The following TTC16 variants were observed in gnomAD, a reference collection of about 807,000 sequenced individuals.
TTC16 encodes the protein tetratricopeptide repeat protein 16.
In TTC16, 66 loss-of-function variants were observed where a neutral mutation model predicts 80.4. The ratio of observed to expected loss-of-function variants is 0.82; its 90% CI spans 0.67 to 1.01. The LOEUF (loss-of-function observed/expected upper bound fraction) is 1.01. TTC16 is among the 50% of genes least tolerant of loss of function. The pLI, the probability that TTC16 is intolerant of heterozygous loss-of-function variation, is 0.00. For synonymous variants in TTC16, 438 were observed against 451.3 expected (o/e 0.97, Z 0.37); for missense variants, 1,070 against 1,103.2 (o/e 0.97, Z 0.43).
chr9:127,716,360 G>A (rs1843010316), intron 1 of TTC16, 197 bp downstream of exon 1: 14 of 775,704 alleles, frequency 1.8e-5, no homozygotes, highest in Non-Finnish European at 2.9e-5. Flanking sequence ...AGAGGTCTCT[G>A]GCTTGGGTAG....
At chr9:127,717,204 T>C in intron 2 of TTC16, 130 bp from the exon 3 acceptor site, 1 of 1,176,068 alleles carries the variant, frequency 8.5e-7, no homozygotes, top group Non-Finnish European at 1.2e-6. Flanking sequence ...CTGCCCTCCC[T>C]GGGCTTCTGT....
In TTC16 at chr9:127,729,593, G is replaced by C. The variant is rs1201589150; in HGVS notation, c.1777G>C (p.Glu593Gln). 2 of 1,613,834 alleles carry C rather than the reference G, an allele frequency of 1.2e-6. No homozygotes were observed. Among genetic ancestry groups the C allele is most frequent in the Admixed American group, 3.3e-5 (2 of 60,022 alleles). The change falls in exon 13 of 14, where the codon GAG becomes CAG. Residue 593 changes from glutamate (E) to glutamine (Q), a missense_variant. Glu to Gln is a conservative substitution (Grantham distance 29, BLOSUM62 2). Coordinates refer to ENST00000373289, the MANE Select transcript of TTC16 (RefSeq NM_144965.3). ...TTTCTTGCCATAGGAGAAAAAATCA[G>C]AGCTCATACCTAGCAAGGTGGCGTC... is the stretch of plus-strand genomic sequence containing the variant. ...EKEKKEEKKS[E>Q]LIPSKVASLS...
chr9:127,727,493 A>C, intron 12 of TTC16, 28 bp downstream of exon 12: 1 of 1,550,310 alleles, frequency 6.5e-7, no homozygotes, highest in Non-Finnish European at 8.7e-7. Flanking sequence ...CAGGGCTCGG[A>C]GCCCTTGGGG....
rs776650963 is a variant in TTC16 at position 127,723,993 on chromosome 9, G to A, written c.873-127G>A. 4.4e-5 allele frequency: 57 copies of A among 1,297,644 alleles called. No individual in the cohort carries two copies. The Middle Eastern group carries it at 8.3e-4, about 19-fold the overall frequency. The allele number at this position is 1,297,644 out of a possible 1,614,324, so 80.4% of individuals were successfully genotyped here. A position where few individuals can be genotyped will look rare whatever the true frequency, so the allele number is the denominator to read the frequency against. ...CGGGACAAACCTAGCAAATGAGGTG[G>A]GATCCCCACTGCCTCCATGGGTCAG... is the stretch of plus-strand genomic sequence containing the variant. On this transcript the variant is annotated intron_variant, in intron 7 of 13. Transcript: ENST00000373289.
intron 12 of TTC16, 139 bp downstream of exon 12, chr9:127,727,604 G>A (rs973458581): frequency 1.4e-6 from 2 of 1,416,314 alleles, no homozygotes; most frequent in African/African-American, 2.9e-5. Flanking sequence ...GTGATGGGCT[G>A]GGGACATCTT....
intron 6 of TTC16, 25 bp downstream of exon 6, chr9:127,720,420 G>T: frequency 8.8e-7 from 1 of 1,141,786 alleles, no homozygotes. Context: ...GCGGGCAGGG[G>T]CATGCCCCCC....
Position 127,723,295 on chromosome 9 carries a change from CG to C in TTC16, c.835del (p.Glu279ArgfsTer31), listed in dbSNP as rs748271928. On this transcript the variant is annotated frameshift_variant, in exon 7 of 14. Coordinates refer to ENST00000373289, the MANE Select transcript of TTC16 (RefSeq NM_144965.3). LOFTEE classifies it high-confidence loss of function. ...HALQRINRAI[E>X]NNPLDPSLFL... ...CACTGCAGCGGATCAACCGTGCCAT[CG>C]AGAACAACCCTCTGGACCCCAGTCT... 9.3e-6 allele frequency: 15 copies of C among 1,612,844 alleles called. No individual in the cohort carries two copies. The East Asian group carries it at 3.3e-4, about 36-fold the overall frequency.
At chr9:127,730,256 G>C (rs557492604) in intron 13 of TTC16, 2 of 304,004 alleles carry the variant, frequency 6.6e-6, no homozygotes, top group Non-Finnish European at 6.2e-6. Context: ...GACACAGTGC[G>C]GGGGAAGCCG....
chr9:127,724,145 G>T lies in TTC16; in HGVS notation c.898G>T (p.Glu300Ter), dbSNP rs375472251. ...GGGCACCATGTACCGACGGCTCCAG[G>T]AGTTCGATGGGGCAGTGGAGGACTT... ...FRGTMYRRLQ[E>*]FDGAVEDFLK... Residue 300 changes from glutamate (E) to a stop codon, truncating the protein, a stop_gained, in exon 8 of 14, where the codon GAG becomes TAG. Coordinates refer to ENST00000373289, the MANE Select transcript of TTC16 (RefSeq NM_144965.3). LOFTEE classifies it high-confidence loss of function. 15 of 1,612,726 alleles carry T rather than the reference G, an allele frequency of 9.3e-6. No individual in the cohort carries two copies. In the African/African-American group the frequency reaches 1.5e-4, roughly 16 times the overall value.
Position 127,729,623 on chromosome 9 carries a change from T to C in TTC16, c.1807T>C (p.Ser603Pro). 6.2e-7 allele frequency: 1 copy of C among 1,613,836 alleles called. No homozygotes were observed. The highest frequency in any genetic ancestry group is 8.5e-7 in the Non-Finnish European group (1 of 1,180,022). Reference sequence around the variant, plus strand: ...CATACCTAGCAAGGTGGCGTCCCTGTCTGACAGCTACCTTGACCAGACCTC... The same window carrying C: ...CATACCTAGCAAGGTGGCGTCCCTGCCTGACAGCTACCTTGACCAGACCTC... The part of the protein sequence containing the change: ...ELIPSKVASL[S>P]DSYLDQTSSA... Residue 603 changes from serine to proline, a missense_variant, in exon 13 of 14, where the codon TCT (serine) becomes CCT (proline). Physicochemically the swap from Ser to Pro is moderately conservative, Grantham distance 74. Transcript: ENST00000373289.
chr9:127,717,431 G>A lies in TTC16; in HGVS notation c.282+7G>A, dbSNP rs372374435. On this transcript the variant is annotated splice_region_variant and intron_variant, in intron 3 of 13. Transcript: ENST00000373289. ...CCACCTGGACCCACAGCTGGTGAGAGGCAGACCTGGGTGGGCACAGGCAGT... is the reference window on the plus strand; with the variant it reads ...CCACCTGGACCCACAGCTGGTGAGAAGCAGACCTGGGTGGGCACAGGCAGT... The A allele has an allele frequency of 8.7e-6, 14 of 1,609,474 alleles. No homozygotes were observed. The highest frequency in any genetic ancestry group is 2.2e-5 in the South Asian group (2 of 90,880).
chr9:127,721,615 T>C (rs983969777), intron 6 of TTC16, among the ~76,000 whole-genome samples: 3 of 151,938 alleles, frequency 2.0e-5, no homozygotes, highest in African/African-American at 7.3e-5. Context: ...CTTCGGGGAG[T>C]GCAGTCCACC....
At chr9:127,725,693 G>A (rs930249990) in intron 9 of TTC16, among the ~76,000 whole-genome samples, 2 of 151,146 alleles carry the variant, frequency 1.3e-5, no homozygotes, top group African/African-American at 4.9e-5. Context: ...TCCACCTCCC[G>A]GGTTCAAGCA....
chr9:127,717,263 A>C (rs1588415862), intron 2 of TTC16, 71 bp from the exon 3 acceptor site: 1 of 1,493,026 alleles, frequency 6.7e-7, no homozygotes, highest in Non-Finnish European at 9.2e-7. Context: ...CACAACCCCC[A>C]CCCCAGCCCT....
chr9:127,729,736 C>G, intron 13 of TTC16, 68 bp downstream of exon 13: 1 of 1,470,088 alleles, frequency 6.8e-7, no homozygotes, highest in Non-Finnish European at 9.4e-7. Flanking sequence ...GCTCAGGGGT[C>G]GAAGACCGCT....
intron 2 of TTC16, 140 bp downstream of exon 2, chr9:127,717,156 C>G (rs575332766): frequency 7.8e-7 from 1 of 1,288,378 alleles, no homozygotes; most frequent in Non-Finnish European, 1.1e-6. Context: ...TCAGTGGGAA[C>G]GAGGCTGATG....
Position 127,730,868 on chromosome 9 carries a change from C to T in TTC16, c.2085C>T (p.Ser695=). 2 of 1,613,352 alleles carry T rather than the reference C, an allele frequency of 1.2e-6. No individual in the cohort carries two copies. Among genetic ancestry groups the T allele is most frequent in the Non-Finnish European group, 1.7e-6 (2 of 1,179,898 alleles). The change falls in exon 14 of 14, where the codon TCC becomes TCT. Residue 695 remains serine, a synonymous_variant. Transcript: ENST00000373289. ...TEPTQSQRRN[S]SKTKATIHKR... is the part of the protein sequence containing the mutation. ...CCACCCAGAGCCAGAGGCGGAACTC[C>T]AGCAAGACCAAGGCCACTATACACA...
In TTC16 at chr9:127,717,625, T is replaced by A. The variant is rs569107165; in HGVS notation, c.283-4T>A. On this transcript the variant is annotated splice_polypyrimidine_tract_variant and splice_region_variant and intron_variant, in intron 3 of 13. Transcript: ENST00000373289. ...TCTAGCAGCCTGGGTCCCCTCACCCTCAGGTGGACTTCTATGCCTTACGGG... is the reference window on the plus strand; with the variant it reads ...TCTAGCAGCCTGGGTCCCCTCACCCACAGGTGGACTTCTATGCCTTACGGG... 1 of 1,613,408 alleles carries A rather than the reference T, an allele frequency of 6.2e-7. No homozygotes were observed. Among genetic ancestry groups the A allele is most frequent in the African/African-American group, 1.3e-5 (1 of 75,048 alleles).
chr9:127,720,532 G>A, intron 6 of TTC16, 137 bp downstream of exon 6: 2 of 1,161,100 alleles, frequency 1.7e-6, no homozygotes, highest in Non-Finnish European at 2.5e-6. Flanking sequence ...TGTCCTCCCT[G>A]GGAAGAGGCC....
Sources: gnomAD v4.1 joint callset for allele counts (sites outside exome capture counted in the v4.1 genomes callset) on GRCh38, gnomAD v4.1.1 for gene constraint, MANE v1.5 for transcripts, NCBI Gene and HGNC (gene_info 2026-07-23, HGNC 2026-07-21) for gene names.